Variants in RBFOX1 observed in about 807,000 individuals in gnomAD.
RBFOX1 encodes RNA binding protein fox-1 homolog 1.
In RBFOX1, 8 loss-of-function variants were observed where a neutral mutation model predicts 57.7. The ratio of observed to expected loss-of-function variants is 0.14; its 90% CI spans 0.08 to 0.25. RBFOX1 has a LOEUF of 0.25. RBFOX1 is among the 10% of genes least tolerant of loss of function. The pLI, the probability that RBFOX1 is intolerant of heterozygous loss-of-function variation, is 1.00. For synonymous variants in RBFOX1, 326 were observed against 222.4 expected (o/e 1.47, Z -4.15); for missense variants, 611 against 548.5 (o/e 1.11, Z -1.14).
At chr16:6,759,565 T>C (rs2076316075) in intron 3 of RBFOX1, among the ~76,000 whole-genome samples, 1 of 151,904 alleles carries the variant, frequency 6.6e-6, no homozygotes, top group Admixed American at 6.6e-5. Flanking sequence ...TTGTTTTCAT[T>C]GTTAGGATAT....
chr16:6,405,163 A>G (rs140269690), intron 2 of RBFOX1, among the ~76,000 whole-genome samples: 43 of 152,338 alleles, frequency 2.8e-4, no homozygotes, highest in Non-Finnish European at 5.0e-4. Context: ...TATCATTTCT[A>G]TAAATACTAT....
intron 3 of RBFOX1, among the ~76,000 whole-genome samples, chr16:5,669,473 G>A (rs1305334453): frequency 6.7e-6 from 1 of 148,166 alleles, no homozygotes; most frequent in Admixed American, 6.8e-5. Flanking sequence ...AGGCTGGAGT[G>A]CAGTGGCACT....
At chr16:6,966,258 A>C (rs1435543928) in intron 3 of RBFOX1, among the ~76,000 whole-genome samples, 1 of 152,118 alleles carries the variant, frequency 6.6e-6, no homozygotes, top group Non-Finnish European at 1.5e-5. Flanking sequence ...AAGGAGGGTA[A>C]AATGAGCCTC....
At chr16:5,876,190 C>A (rs2151910599) in intron 4 of RBFOX1, among the ~76,000 whole-genome samples, 1 of 152,186 alleles carries the variant, frequency 6.6e-6, no homozygotes, top group South Asian at 2.1e-4. Context: ...GTAAAAACAA[C>A]CAAATGGGGG....
At chr16:6,259,197 C>G (rs1366313980) in intron 1 of RBFOX1, among the ~76,000 whole-genome samples, 2 of 152,146 alleles carry the variant, frequency 1.3e-5, no homozygotes, top group Non-Finnish European at 2.9e-5. Context: ...TCACCCATTG[C>G]TTATTTACTC....
At chr16:7,455,401 C>G (rs1243290134) in intron 4 of RBFOX1, among the ~76,000 whole-genome samples, 2 of 152,134 alleles carry the variant, frequency 1.3e-5, no homozygotes, top group Admixed American at 6.5e-5. Flanking sequence ...CAGCCTTACT[C>G]TCCATGCAAG....
chr16:7,197,376 A>T (rs1177779806), intron 4 of RBFOX1, among the ~76,000 whole-genome samples: 1 of 143,920 alleles, frequency 6.9e-6, no homozygotes, highest in Admixed American at 7.2e-5. Flanking sequence ...TTCTGGAGTG[A>T]TGTTTTTCTT....
chr16:6,811,553 T>C (rs2088588989), intron 3 of RBFOX1, among the ~76,000 whole-genome samples: 1 of 152,192 alleles, frequency 6.6e-6, no homozygotes, highest in African/African-American at 2.4e-5. Context: ...TTTGTTTTGT[T>C]TTCTGGCGTT....
chr16:6,046,802 G>T (rs944922009), intron 1 of RBFOX1, among the ~76,000 whole-genome samples: 1 of 152,186 alleles, frequency 6.6e-6, no homozygotes, highest in Non-Finnish European at 1.5e-5. Context: ...AAGTCAGTGT[G>T]ATTTGAAATG....
intron 2 of RBFOX1, among the ~76,000 whole-genome samples, chr16:6,385,623 G>C (rs1364610253): frequency 6.6e-6 from 1 of 152,218 alleles, no homozygotes; most frequent in Non-Finnish European, 1.5e-5. Context: ...GCCTCCCGAT[G>C]TGCTGGGATT....
intron 4 of RBFOX1, among the ~76,000 whole-genome samples, chr16:7,147,339 G>T (rs546206926): frequency 7.9e-5 from 12 of 151,550 alleles, no homozygotes; most frequent in Middle Eastern, 3.4e-3. Context: ...TTTATTTTAG[G>T]TTTGAGTGGA....
Position 7,653,904 on chromosome 16 carries a change from T to C in RBFOX1, c.847T>C (p.Phe283Leu). 6.3e-7 allele frequency: 1 copy of C among 1,588,196 alleles called. No individual in the cohort carries two copies. Among genetic ancestry groups the C allele is most frequent in the Non-Finnish European group, 8.5e-7 (1 of 1,172,872 alleles). ...RGRGRTVYNT[F>L]RAAAPPPPIP... ...CCGCGGTCGCACCGTGTACAACACC[T>C]TCAGGGCCGCGGCGCCCCCGCCCCC... Residue 283 changes from phenylalanine to leucine, a missense_variant, in exon 12 of 16, where the codon TTC becomes CTC. Around this residue, in one of 3 missense-constraint regions of RBFOX1, gnomAD observed 267 missense variants for 229.1 expected, o/e 1.17. Coordinates refer to ENST00000550418, the MANE Select transcript of RBFOX1 (RefSeq NM_018723.4).
Position 5,902,759 on chromosome 16 carries a change from T to G in RBFOX1, c.351+35424T>G, listed in dbSNP as rs912513704. On this transcript the variant is annotated intron_variant, in intron 4 of 19. Coordinates refer to the RBFOX1 transcript ENST00000641259. The stretch of plus-strand genomic sequence containing the variant: ...CAAGAAGCCTTCATCAATCTCTTAT[T>G]CTATCCACCCTCCTTTTTTTGATTC... Among the ~76,000 whole-genome samples, 10 of 152,218 alleles carry G rather than the reference T, an allele frequency of 6.6e-5. No individual in the cohort carries two copies. In the East Asian group the frequency reaches 1.2e-3, roughly 18 times the overall value.
intron 1 of RBFOX1, among the ~76,000 whole-genome samples, chr16:5,371,960 C>T (rs183925667): frequency 1.6e-4 from 24 of 152,112 alleles, no homozygotes; most frequent in South Asian, 4.1e-4. Context: ...TTTTTCATGC[C>T]GCGTTTTAAT....
At chr16:5,255,697 C>CACCT (rs1443192684) in intron 1 of RBFOX1, among the ~76,000 whole-genome samples, 1 of 152,040 alleles carries the variant, frequency 6.6e-6, no homozygotes, top group Non-Finnish European at 1.5e-5. Context: ...TCCATCCACC[C>CACCT]ACCTATCTAT....
chr16:5,742,434 C>T (rs942410752), intron 3 of RBFOX1, among the ~76,000 whole-genome samples: 7 of 151,994 alleles, frequency 4.6e-5, no homozygotes, highest in African/African-American at 7.2e-5. Context: ...GCTTTTATAG[C>T]GGATTTAAAA....
At chr16:7,664,685 T>G in intron 12 of RBFOX1, 1 of 589,354 alleles carries the variant, frequency 1.7e-6, no homozygotes, top group Non-Finnish European at 2.9e-6. Context: ...GAGTGGGAAG[T>G]TTGGGACCTA....
chr16:6,758,606 A>G (rs764488030), intron 3 of RBFOX1, among the ~76,000 whole-genome samples: 1 of 152,204 alleles, frequency 6.6e-6, no homozygotes, highest in Non-Finnish European at 1.5e-5. Flanking sequence ...CATTTGATTG[A>G]TTCTATAATG....
intron 2 of RBFOX1, among the ~76,000 whole-genome samples, chr16:6,500,537 A>G (rs2095879821): frequency 6.6e-6 from 1 of 152,208 alleles, no homozygotes; most frequent in Non-Finnish European, 1.5e-5. Context: ...TCATCTCAGG[A>G]ATGTTCCATA....
Sources: gnomAD v4.1 joint callset for allele counts (sites outside exome capture counted in the v4.1 genomes callset) on GRCh38, gnomAD v4.1.1 for gene constraint, gnomAD v4.1.1 regional missense constraint, MANE v1.5 for transcripts, NCBI Gene and HGNC (gene_info 2026-07-23, HGNC 2026-07-21) for gene names.